BRD10: variants seen among roughly 807,000 people sequenced by gnomAD.
The protein encoded by BRD10 is uncharacterized bromodomain-containing protein 10.
At chr9:5,902,400 A>C in the BRD10 span, among the ~76,000 whole-genome samples, 2 of 151,662 alleles carry the variant, frequency 1.3e-5, no homozygotes, top group Non-Finnish European at 2.9e-5. Context: ...AATTTTATTG[A>C]TCTTTTCCCA....
the BRD10 span, among the ~76,000 whole-genome samples, chr9:5,907,598 C>T: frequency 2.6e-5 from 4 of 152,098 alleles, no homozygotes; most frequent in Admixed American, 2.0e-4. Flanking sequence ...TTAGGTTAAA[C>T]AAAATATTTT....
the BRD10 span, among the ~76,000 whole-genome samples, chr9:6,000,716 T>C: frequency 6.6e-6 from 1 of 152,200 alleles, no homozygotes; most frequent in Non-Finnish European, 1.5e-5. Context: ...TTTTACTTAT[T>C]CCAGAATAAA....
chr9:5,929,059 G>C, the BRD10 span: 1 of 1,567,158 alleles, frequency 6.4e-7, no homozygotes, highest in East Asian at 2.2e-5. Flanking sequence ...TCTTTGGAAA[G>C]CCTTCATTAA....
chr9:5,888,565 A>G, the BRD10 span, among the ~76,000 whole-genome samples: 1 of 152,196 alleles, frequency 6.6e-6, no homozygotes, highest in Non-Finnish European at 1.5e-5. Flanking sequence ...CAACATCGAC[A>G]ATGCATTTGG....
chr9:5,928,434 A>C, the BRD10 span, among the ~76,000 whole-genome samples: 129,569 of 152,132 alleles, frequency 0.85, 55,311 homozygotes, highest in African/African-American at 0.88. Flanking sequence ...CTTCTCACCT[A>C]ACTCAGTGTA....
the BRD10 span, among the ~76,000 whole-genome samples, chr9:5,982,121 T>C: frequency 6.6e-6 from 1 of 152,192 alleles, no homozygotes; most frequent in Admixed American, 6.5e-5. Context: ...AAGAATGTTA[T>C]ATATTATCTA....
the BRD10 span, among the ~76,000 whole-genome samples, chr9:5,985,790 A>AAAAAT: frequency 2.0e-5 from 3 of 151,382 alleles, no homozygotes; most frequent in East Asian, 1.9e-4. Flanking sequence ...CGTCTCAAAA[A>AAAAAT]AAATAAATAA....
the BRD10 span, among the ~76,000 whole-genome samples, chr9:5,941,640 G>C: frequency 6.6e-6 from 1 of 152,132 alleles, no homozygotes; most frequent in Non-Finnish European, 1.5e-5. Flanking sequence ...AAAATTAGTT[G>C]CTTTGCAAGA....
the BRD10 span, among the ~76,000 whole-genome samples, chr9:5,912,164 T>A: frequency 6.6e-6 from 1 of 152,256 alleles, no homozygotes; most frequent in Non-Finnish European, 1.5e-5. Flanking sequence ...ACTTTCTTGA[T>A]TTTTCAGGTT....
chr9:6,007,888 GC>G, the BRD10 span: 1 of 1,366,362 alleles, frequency 7.3e-7, no homozygotes, highest in Non-Finnish European at 9.4e-7. Context: ...GCGGCGCGTA[GC>G]CCCCGCCACA....
the BRD10 span, among the ~76,000 whole-genome samples, chr9:5,906,186 TAAA>T: frequency 7.1e-6 from 1 of 140,484 alleles, no homozygotes. Context: ...TCATGTCTCT[TAAA>T]AAAAAAAAAA....
At chr9:5,992,716 C>CT in the BRD10 span, among the ~76,000 whole-genome samples, 88 of 149,296 alleles carry the variant, frequency 5.9e-4, no homozygotes, top group African/African-American at 1.9e-3. Flanking sequence ...CTTTCTCCCC[C>CT]TTTTTTTTTT....
At chr9:5,908,594 C>T in the BRD10 span, 1 of 1,490,564 alleles carries the variant, frequency 6.7e-7, no homozygotes, top group Non-Finnish European at 9.4e-7. Flanking sequence ...CCTAGAAACA[C>T]ATACACTGTT....
the BRD10 span, among the ~76,000 whole-genome samples, chr9:5,894,428 G>A: frequency 6.6e-6 from 1 of 152,168 alleles, no homozygotes; most frequent in Admixed American, 6.5e-5. The surrounding 1 kb of genome is among the most constrained non-coding windows in gnomAD (Gnocchi z 4.0). Context: ...TTCTACCCCC[G>A]TGTCTGGGGT....
the BRD10 span, among the ~76,000 whole-genome samples, chr9:5,991,724 T>TA: frequency 0.014 from 1,612 of 117,976 alleles, 9 homozygotes; most frequent in African/African-American, 0.02. Flanking sequence ...GACTCTGTCT[T>TA]AAAAAAAAAA....
the BRD10 span, among the ~76,000 whole-genome samples, chr9:6,005,303 G>A: frequency 2.0e-5 from 3 of 152,000 alleles, no homozygotes; most frequent in African/African-American, 7.3e-5. Context: ...CTGAGGTCAG[G>A]AGCTTGAGAC....
the BRD10 span, among the ~76,000 whole-genome samples, chr9:5,923,696 G>C: frequency 3.9e-5 from 6 of 152,124 alleles, no homozygotes; most frequent in Non-Finnish European, 7.4e-5. Context: ...GGAACATTTT[G>C]ATACCATAGA....
chr9:5,908,845 A>G, the BRD10 span: 3 of 735,190 alleles, frequency 4.1e-6, no homozygotes, highest in South Asian at 3.6e-5. Context: ...GTCAGTGTTA[A>G]AATTTTAGTA....
chr9:5,944,324 CAATAAA>C, the BRD10 span, among the ~76,000 whole-genome samples: 1 of 148,314 alleles, frequency 6.7e-6, no homozygotes, highest in Non-Finnish European at 1.5e-5. Context: ...CTCTCAAGAA[CAATAAA>C]AATATTAGAA....
Sources: gnomAD v4.1 joint callset for allele counts (sites outside exome capture counted in the v4.1 genomes callset) on GRCh38, gnomAD v4.1.1 for gene constraint, Gnocchi (gnomAD v3.1) non-coding constraint, MANE v1.5 for transcripts, NCBI Gene and HGNC (gene_info 2026-07-23, HGNC 2026-07-21) for gene names.